The following ABCG2 variants were observed in gnomAD, a reference collection of about 807,000 sequenced individuals.
ABCG2 encodes the protein ATP binding cassette subfamily G member 2 (JR blood group).
A neutral mutation model predicts 73.5 loss-of-function variants in ABCG2; 80 were observed. The observed-to-expected ratio is 1.09, with a 90% CI of 0.91 to 1.31. The LOEUF is 1.31. Ranked by LOEUF, ABCG2 falls within the 50% of genes most tolerant of loss-of-function variation. The pLI is 0.00. For synonymous variants in ABCG2, 269 were observed against 282.4 expected, an observed-to-expected ratio of 0.95 and a Z score of 0.48; for missense variants, 796 against 786.2, an observed-to-expected ratio of 1.01 and a Z score of -0.15.
At chr4:88,157,017 G>A (rs1339752121) in intron 1 of ABCG2, among the ~76,000 whole-genome samples, 2 of 152,140 alleles carry the variant, frequency 1.3e-5, no homozygotes, top group African/African-American at 4.8e-5. Flanking sequence ...CAGGAGAATC[G>A]CTAGAACCTG....
At chr4:88,128,514 A>C (rs913848956) in intron 5 of ABCG2, among the ~76,000 whole-genome samples, 3 of 152,226 alleles carry the variant, frequency 2.0e-5, no homozygotes, top group Non-Finnish European at 4.4e-5. Context: ...AAAGACTTGG[A>C]ACCAACCCAA....
rs552877237 is a variant in ABCG2 at position 88,154,362 on chromosome 4, T to C, written c.-20+4024A>G. On this transcript the variant is annotated intron_variant, in intron 1 of 15. Transcript: ENST00000237612. ...TTGTGTAGTGAGGAAACCTCTTGCA[T>C]AGTGGTGCAGGATATGGAAGGCATA... Among the ~76,000 whole-genome samples the C allele has an allele frequency of 3.5e-3, 537 of 152,256 alleles. 7 individuals carry two copies. Among genetic ancestry groups the C allele is most frequent in the African/African-American group, 0.012 (512 of 41,558 alleles).
intron 1 of ABCG2, among the ~76,000 whole-genome samples, chr4:88,218,465 T>C (rs1227211415): frequency 1.3e-5 from 2 of 152,210 alleles, no homozygotes; most frequent in Non-Finnish European, 2.9e-5. Context: ...TTTATTTCCC[T>C]AAGATTTGGG....
At chr4:88,115,286 T>TATATTAA in intron 7 of ABCG2, among the ~76,000 whole-genome samples, 1 of 37,060 alleles carries the variant, frequency 2.7e-5, no homozygotes, top group Non-Finnish European at 5.1e-5. Context: ...ATATATATAA[T>TATATTAA]TTATTTATTT....
chr4:88,178,438 G>A (rs560226959), intron 1 of ABCG2, among the ~76,000 whole-genome samples: 1 of 152,128 alleles, frequency 6.6e-6, no homozygotes, highest in Non-Finnish European at 1.5e-5. Flanking sequence ...TTGTAGGCAC[G>A]GGGTGAGACT....
chr4:88,101,468 A>G, intron 10 of ABCG2, 149 bp from the exon 11 acceptor site: 1 of 684,576 alleles, frequency 1.5e-6, no homozygotes, highest in Non-Finnish European at 2.6e-6. Context: ...GGGAAGCGTG[A>G]ACCCCATCAA....
intron 1 of ABCG2, among the ~76,000 whole-genome samples, chr4:88,229,080 A>G (rs1730348504): frequency 1.3e-5 from 2 of 152,194 alleles, no homozygotes; most frequent in African/African-American, 4.8e-5. Flanking sequence ...ACACTGTGAA[A>G]GCTTTGTTCT....
In ABCG2 at chr4:88,181,630, C is replaced by T. The variant is rs141679624; in HGVS notation, c.-19-41616G>A. ...TCTGTGCTCCCAGCTAATCAGAAGG[C>T]TGAGGTAAGAAGGTCACTTCAGCCC... On this transcript the variant is annotated intron_variant, in intron 1 of 15. Transcript: ENST00000515655. Among the ~76,000 whole-genome samples, 203 of 152,118 alleles carry T rather than the reference C, an allele frequency of 1.3e-3. 4 individuals carry two copies. In the South Asian group the frequency reaches 0.021, roughly 16 times the overall value.
intron 1 of ABCG2, among the ~76,000 whole-genome samples, chr4:88,184,043 A>G (rs890047092): frequency 6.6e-6 from 1 of 152,180 alleles, no homozygotes; most frequent in Non-Finnish European, 1.5e-5. Flanking sequence ...AAAACTGGGT[A>G]TAGAAAGAAT....
intron 12 of ABCG2, 79 bp from the exon 13 acceptor site, chr4:88,097,686 AAC>A: frequency 6.9e-7 from 1 of 1,444,642 alleles, no homozygotes; most frequent in Non-Finnish European, 9.4e-7. Context: ...GTGCAAATTT[AAC>A]ACTAATATTT....
intron 1 of ABCG2, among the ~76,000 whole-genome samples, chr4:88,215,569 G>A (rs1268008931): frequency 6.6e-6 from 1 of 152,166 alleles, no homozygotes; most frequent in Admixed American, 6.5e-5. Context: ...AGCTGTTGCT[G>A]GACAAGGCTG....
intron 1 of ABCG2, among the ~76,000 whole-genome samples, chr4:88,216,849 G>A (rs1449431541): frequency 6.6e-6 from 1 of 151,922 alleles, no homozygotes; most frequent in African/African-American, 2.4e-5. Context: ...GACCAAAATG[G>A]CGAAACCCCC....
chr4:88,178,699 G>T (rs1420943919), intron 1 of ABCG2, among the ~76,000 whole-genome samples: 1 of 152,132 alleles, frequency 6.6e-6, no homozygotes, highest in Non-Finnish European at 1.5e-5. Flanking sequence ...CTGCCTGAAG[G>T]GAGAGTCCCA....
chr4:88,175,726 C>T (rs529294530), intron 1 of ABCG2, among the ~76,000 whole-genome samples: 10 of 152,170 alleles, frequency 6.6e-5, no homozygotes, highest in Admixed American at 5.9e-4. Flanking sequence ...TAGTAGTCTC[C>T]GCGTGCATTC....
intron 6 of ABCG2, among the ~76,000 whole-genome samples, chr4:88,118,722 C>T (rs959176575): frequency 2.0e-5 from 3 of 152,182 alleles, no homozygotes; most frequent in African/African-American, 7.2e-5. Context: ...CACTCTTCTG[C>T]CCTAATAATG....
chr4:88,158,507 A>C lies in ABCG2; in HGVS notation c.-141T>G. ...GATGAGTCACCCGGACCTTCCAAACAAACTCTAAAGCAGCAGTTTCCACTT... is the reference window on the plus strand; with the variant it reads ...GATGAGTCACCCGGACCTTCCAAACCAACTCTAAAGCAGCAGTTTCCACTT... On this transcript the variant is annotated 5_prime_UTR_variant, in exon 1 of 16. Coordinates refer to ENST00000237612, the MANE Select transcript of ABCG2 (RefSeq NM_004827.3). The C allele has an allele frequency of 2.2e-6, 1 of 456,436 alleles. No homozygotes were observed. The highest frequency in any genetic ancestry group is 4.4e-6 in the Non-Finnish European group (1 of 226,946). 28.3% of individuals were successfully genotyped at this position (456,436 alleles called of 1,614,324 possible). A position where few individuals can be genotyped will look rare whatever the true frequency, so the allele number is the denominator to read the frequency against.
chr4:88,090,800 T>C lies in ABCG2; in HGVS notation c.*1434A>G, dbSNP rs1407559567. ...GTGGAAAAGTGGTGAAATCTGAATA[T>C]TGTGTGCAGTTTAATTAACAGTGAT... On this transcript the variant is annotated 3_prime_UTR_variant, in exon 16 of 16. Transcript: ENST00000237612. 6.6e-6 allele frequency: 1 copy of C among 152,248 alleles called. No homozygotes were observed. The highest frequency in any genetic ancestry group is 1.5e-5 in the Non-Finnish European group (1 of 68,042). 9.4% of individuals were successfully genotyped at this position (152,248 alleles called of 1,614,324 possible).
rs982332474 is a variant in ABCG2, at chr4:88,220,836, C to A, written c.-20+10158G>T. Among the ~76,000 whole-genome samples, 12 of 152,274 alleles carry A rather than the reference C, an allele frequency of 7.9e-5. No homozygotes were observed. In the East Asian group the frequency reaches 1.9e-3, roughly 24 times the overall value. On this transcript the variant is annotated intron_variant, in intron 1 of 15. Transcript: ENST00000515655. The stretch of plus-strand genomic sequence containing the variant: ...TTTTATAAGGCACTTTCCCACCCCT[C>A]TTTGCTCAGCACTTCTCCTTCCTGA...
intron 1 of ABCG2, among the ~76,000 whole-genome samples, chr4:88,147,026 A>AAAGAAAGAAAGAAAGAAAGAAAGAAAGC (rs1726081956): frequency 6.6e-6 from 1 of 150,812 alleles, no homozygotes; most frequent in Non-Finnish European, 1.5e-5. Flanking sequence ...GGAAAGAAAG[A>AAAGAAAGAAAGAAAGAAAGAAAGAAAGC]AAGAAAGAAA....
Sources: gnomAD v4.1 joint callset for allele counts (sites outside exome capture counted in the v4.1 genomes callset) on GRCh38, gnomAD v4.1.1 for gene constraint, MANE v1.5 for transcripts, NCBI Gene and HGNC (gene_info 2026-07-23, HGNC 2026-07-21) for gene names.